DDX10: variants seen among roughly 807,000 people sequenced by gnomAD.
DDX10 encodes probable ATP-dependent RNA helicase DDX10.
A neutral mutation model predicts 104.3 loss-of-function variants in DDX10; 74 were observed. The ratio of observed to expected loss-of-function variants is 0.71; its 90% CI spans 0.59 to 0.86. DDX10 has a LOEUF of 0.86. DDX10 is among the 40% of genes least tolerant of loss of function. DDX10 has a pLI of 0.00. For missense variants in DDX10, 952 were observed against 1,040.0 expected, an observed-to-expected ratio of 0.92 and a Z score of 1.16; for synonymous variants, 351 against 353.4, an observed-to-expected ratio of 0.99 and a Z score of 0.08.
At chr11:108,814,164 A>G (rs541151347) in intron 13 of DDX10, among the ~76,000 whole-genome samples, 41 of 152,246 alleles carry the variant, frequency 2.7e-4, no homozygotes, top group Non-Finnish European at 4.3e-4. Context: ...CAGAAAGGTT[A>G]CATTTCTCTA....
intron 13 of DDX10, among the ~76,000 whole-genome samples, chr11:108,750,074 T>G (rs2094336505): frequency 6.6e-6 from 1 of 152,164 alleles, no homozygotes; most frequent in East Asian, 1.9e-4. Flanking sequence ...GGTTGTCCTT[T>G]GAGCTGGTGC....
At chr11:108,756,834 C>G (rs764917206) in intron 13 of DDX10, among the ~76,000 whole-genome samples, 1 of 151,996 alleles carries the variant, frequency 6.6e-6, no homozygotes, top group East Asian at 1.9e-4. Context: ...ACAGTTCTTA[C>G]GTTTTAGTAA....
intron 13 of DDX10, among the ~76,000 whole-genome samples, chr11:108,836,640 C>T (rs1862559244): frequency 6.6e-6 from 1 of 152,106 alleles, no homozygotes; most frequent in Non-Finnish European, 1.5e-5. Flanking sequence ...GGGTGCGCCA[C>T]TATGCCCAGC....
rs141772641 is a variant in DDX10, at chr11:108,674,577, C to G, written c.248-1019C>G. Among the ~76,000 whole-genome samples, 1,212 of 150,786 alleles carry G rather than the reference C, an allele frequency of 8.0e-3. 15 individuals are homozygous for G. Among genetic ancestry groups the G allele is most frequent in the African/African-American group, 0.028 (1,158 of 41,028 alleles). ...CCAGGGTGCAGTGCAGTTGTGTGAT[C>G]TTAGCTCACTGCATCCTCAGCCTTC... On this transcript the variant is annotated intron_variant, in intron 2 of 17. Coordinates refer to ENST00000322536, the MANE Select transcript of DDX10 (RefSeq NM_004398.4).
At chr11:108,824,098 A>G (rs1862363663) in intron 13 of DDX10, among the ~76,000 whole-genome samples, 1 of 152,204 alleles carries the variant, frequency 6.6e-6, no homozygotes, top group Non-Finnish European at 1.5e-5. Flanking sequence ...GCTGGAGTGC[A>G]ATGGCGCAAT....
intron 10 of DDX10, among the ~76,000 whole-genome samples, chr11:108,714,987 A>G (rs1244173927): frequency 7.5e-6 from 1 of 133,614 alleles, no homozygotes; most frequent in African/African-American, 2.5e-5. Flanking sequence ...CTGGCTTTGC[A>G]GAAACAACGT....
At chr11:108,798,872 C>T (rs1188082572) in intron 13 of DDX10, among the ~76,000 whole-genome samples, 1 of 151,032 alleles carries the variant, frequency 6.6e-6, no homozygotes, top group Non-Finnish European at 1.5e-5. Flanking sequence ...TCTATCTTTT[C>T]ATTGAAAGCC....
chr11:108,831,520 C>G (rs1187266020), intron 13 of DDX10, among the ~76,000 whole-genome samples: 1 of 148,852 alleles, frequency 6.7e-6, no homozygotes, highest in Non-Finnish European at 1.5e-5. Context: ...AGTGTTGACT[C>G]TTCTTTATTT....
chr11:108,822,726 C>G (rs531146878), intron 13 of DDX10: 1 of 153,316 alleles, frequency 6.5e-6, no homozygotes, highest in South Asian at 2.0e-4. Flanking sequence ...TTGAAAATTA[C>G]ACTTCTAAAA....
chr11:108,821,874 C>A (rs939710926), intron 13 of DDX10, among the ~76,000 whole-genome samples: 14 of 152,156 alleles, frequency 9.2e-5, no homozygotes. Flanking sequence ...ATAAAGTAGA[C>A]ATTGCCACCT....
intron 13 of DDX10, among the ~76,000 whole-genome samples, chr11:108,790,877 A>G (rs1407363940): frequency 6.6e-6 from 1 of 152,156 alleles, no homozygotes; most frequent in East Asian, 1.9e-4. Context: ...AAAAATATAG[A>G]TGAGATCCTG....
At chr11:108,767,287 A>G (rs1275157723) in intron 13 of DDX10, 2 of 152,190 alleles carry the variant, frequency 1.3e-5, no homozygotes, top group Non-Finnish European at 2.9e-5. Context: ...AAGGAAATTC[A>G]TTTTCTCCAA....
At chr11:108,860,908 G>A (rs72993517) in intron 16 of DDX10, 7,168 of 152,110 alleles carry the variant, frequency 0.047, 186 homozygotes, top group South Asian at 0.087. Flanking sequence ...GAGAAAAAAA[G>A]CCAGTGGGAA....
At chr11:108,753,782 ATGAG>A (rs1168693553) in intron 13 of DDX10, among the ~76,000 whole-genome samples, 6 of 152,024 alleles carry the variant, frequency 3.9e-5, no homozygotes, top group Non-Finnish European at 7.4e-5. Context: ...TTTATATTAC[ATGAG>A]TGAGTTTCAT....
At chr11:108,763,498 C>T (rs777453273) in intron 13 of DDX10, among the ~76,000 whole-genome samples, 5 of 152,140 alleles carry the variant, frequency 3.3e-5, no homozygotes, top group Non-Finnish European at 7.4e-5. Context: ...TGGGGGGATA[C>T]TTAACATTTC....
chr11:108,743,566 A>G (rs897143492), intron 13 of DDX10, among the ~76,000 whole-genome samples: 7 of 152,176 alleles, frequency 4.6e-5, no homozygotes, highest in African/African-American at 1.4e-4. Context: ...GTATTGAACT[A>G]TTAGTAATTT....
At chr11:108,826,516 T>C (rs555947313) in intron 13 of DDX10, among the ~76,000 whole-genome samples, 2 of 152,348 alleles carry the variant, frequency 1.3e-5, no homozygotes, top group South Asian at 2.1e-4. Flanking sequence ...GAGCCAAACT[T>C]GTTCTTAACA....
At chr11:108,681,165 T>C (rs1171745889) in intron 6 of DDX10, among the ~76,000 whole-genome samples, 2 of 152,226 alleles carry the variant, frequency 1.3e-5, no homozygotes, top group African/African-American at 4.8e-5. Flanking sequence ...CCTTTCATAA[T>C]TTATGCAAGT....
At chr11:108,831,686 A>C (rs1239719906) in intron 13 of DDX10, among the ~76,000 whole-genome samples, 5 of 152,140 alleles carry the variant, frequency 3.3e-5, no homozygotes, top group African/African-American at 1.2e-4. Flanking sequence ...TTTCATTTAA[A>C]ATATCATTTT....
Sources: gnomAD v4.1 joint callset for allele counts (sites outside exome capture counted in the v4.1 genomes callset) on GRCh38, gnomAD v4.1.1 for gene constraint, MANE v1.5 for transcripts, NCBI Gene and HGNC (gene_info 2026-07-23, HGNC 2026-07-21) for gene names.